The following LY96 variants were observed in gnomAD, a reference collection of about 807,000 sequenced individuals.
LY96 encodes the protein myeloid differentiation protein-2.
A neutral mutation model predicts 18.9 loss-of-function variants in LY96; 18 were observed. That is an observed-to-expected ratio of 0.95 (90% CI 0.66 to 1.41). The LOEUF (loss-of-function observed/expected upper bound fraction) is 1.41, where lower values mean the gene tolerates loss of function less well. LY96 is among the 40% of genes most tolerant of loss of function. The pLI is 0.00. For synonymous variants in LY96, 66 were observed against 62.6 expected (o/e 1.06, Z -0.26); for missense variants, 175 against 182.4 (o/e 0.96, Z 0.23).
At chr8:74,005,008 C>G in intron 2 of LY96, 123 bp downstream of exon 2, 1 of 1,020,994 alleles carries the variant, frequency 9.8e-7, no homozygotes, top group Non-Finnish European at 1.5e-6. Context: ...TTACCACGAT[C>G]TTTGTGGCTT....
At chr8:74,026,466 C>CA (rs201476283) in intron 3 of LY96, among the ~76,000 whole-genome samples, 3,583 of 152,338 alleles carry the variant, frequency 0.024, 134 homozygotes, top group African/African-American at 0.08. Flanking sequence ...TCTCTGAAAA[C>CA]TAGTTTGCAA....
chr8:74,082,182 G>T, the LY96 span, among the ~76,000 whole-genome samples: 1 of 152,166 alleles, frequency 6.6e-6, no homozygotes, highest in African/African-American at 2.4e-5. Context: ...AATAAAACAT[G>T]GTCCCTCAGT....
chr8:74,062,362 G>A, the LY96 span, among the ~76,000 whole-genome samples: 1 of 152,084 alleles, frequency 6.6e-6, no homozygotes, highest in Non-Finnish European at 1.5e-5. Context: ...AGCCCAGCAT[G>A]CATTAGCTAT....
the LY96 span, among the ~76,000 whole-genome samples, chr8:74,038,093 A>G: frequency 6.6e-6 from 1 of 152,212 alleles, no homozygotes; most frequent in Non-Finnish European, 1.5e-5. Context: ...TAGACTTCCA[A>G]GAATACATAA....
At chr8:74,067,051 C>G in the LY96 span, among the ~76,000 whole-genome samples, 1 of 152,176 alleles carries the variant, frequency 6.6e-6, no homozygotes, top group Non-Finnish European at 1.5e-5. Flanking sequence ...GCTAGCCGTC[C>G]TTGTGACTCA....
chr8:74,066,898 G>C, the LY96 span, among the ~76,000 whole-genome samples: 3 of 152,344 alleles, frequency 2.0e-5, no homozygotes, highest in South Asian at 6.2e-4. Context: ...GTTCAGGCAG[G>C]GGTAAGCTTT....
chr8:74,062,461 G>A, the LY96 span, among the ~76,000 whole-genome samples: 1 of 150,478 alleles, frequency 6.6e-6, no homozygotes, highest in South Asian at 2.1e-4. Flanking sequence ...TGTTCTCAAT[G>A]TTCAGCTCCC....
chr8:74,076,239 T>TGGC, the LY96 span, among the ~76,000 whole-genome samples: 1 of 151,630 alleles, frequency 6.6e-6, no homozygotes, highest in African/African-American at 2.4e-5. Flanking sequence ...CCTCCATGTC[T>TGGC]ACCCCAGGAA....
At chr8:74,035,015 C>G in the LY96 span, among the ~76,000 whole-genome samples, 93 of 152,264 alleles carry the variant, frequency 6.1e-4, no homozygotes, top group African/African-American at 2.0e-3. Flanking sequence ...GACAAAGCCT[C>G]CTGGGTACAA....
the LY96 span, among the ~76,000 whole-genome samples, chr8:74,050,497 T>C: frequency 6.6e-6 from 1 of 152,090 alleles, no homozygotes; most frequent in African/African-American, 2.4e-5. Flanking sequence ...CATTATCATA[T>C]TGCAATAATA....
At chr8:74,038,753 C>T in the LY96 span, among the ~76,000 whole-genome samples, 1 of 152,282 alleles carries the variant, frequency 6.6e-6, no homozygotes. Context: ...TTTTCTTTAT[C>T]CATTCATCTG....
the LY96 span, among the ~76,000 whole-genome samples, chr8:74,080,642 C>T: frequency 5.9e-5 from 9 of 152,216 alleles, no homozygotes; most frequent in Non-Finnish European, 1.0e-4. Flanking sequence ...GTTACTGATT[C>T]CCTGCTTCCC....
chr8:74,094,971 A>C, the LY96 span, among the ~76,000 whole-genome samples: 1 of 152,218 alleles, frequency 6.6e-6, no homozygotes, highest in African/African-American at 2.4e-5. Context: ...GAGTTGATAG[A>C]AAGAGCAGGT....
At chr8:74,038,652 AAAG>A in the LY96 span, among the ~76,000 whole-genome samples, 1 of 152,192 alleles carries the variant, frequency 6.6e-6, no homozygotes, top group African/African-American at 2.4e-5. Flanking sequence ...TCGGCTTCCC[AAAG>A]TGCTGGGATT....
At chr8:74,071,996 G>A in the LY96 span, among the ~76,000 whole-genome samples, 371 of 152,116 alleles carry the variant, frequency 2.4e-3, 4 homozygotes, top group African/African-American at 8.4e-3. Context: ...TCTCCTCTAT[G>A]CCAAGTACAA....
chr8:74,054,543 CCTTCCTTCCTTCCTTCCTTT>C, the LY96 span, among the ~76,000 whole-genome samples: 407 of 136,542 alleles, frequency 3.0e-3, 3 homozygotes, highest in African/African-American at 0.012. Flanking sequence ...TTCCTTCCTT[CCTTCCTTCCTTCCTTCCTTT>C]CTTCCCTCCC....
chr8:74,039,481 C>T, the LY96 span, among the ~76,000 whole-genome samples: 2 of 152,086 alleles, frequency 1.3e-5, no homozygotes, highest in Non-Finnish European at 2.9e-5. Context: ...GAGAAAACAG[C>T]TGGGCCCGGG....
chr8:74,089,565 T>G, the LY96 span, among the ~76,000 whole-genome samples: 2 of 152,118 alleles, frequency 1.3e-5, no homozygotes, highest in Admixed American at 1.3e-4. Context: ...ACAGGGAAAG[T>G]GGATGAGATT....
At chr8:74,012,273 T>C (rs1198795970) in intron 3 of LY96, among the ~76,000 whole-genome samples, 1 of 152,170 alleles carries the variant, frequency 6.6e-6, no homozygotes, top group Non-Finnish European at 1.5e-5. Context: ...AGCAAAGATA[T>C]GGAATTTACC....
Sources: gnomAD v4.1 joint callset for allele counts (sites outside exome capture counted in the v4.1 genomes callset) on GRCh38, gnomAD v4.1.1 for gene constraint, MANE v1.5 for transcripts, NCBI Gene and HGNC (gene_info 2026-07-23, HGNC 2026-07-21) for gene names.